The following AFAP1 variants were observed in gnomAD, a reference collection of about 807,000 sequenced individuals.
The protein encoded by AFAP1 is actin filament-associated protein 1.
In AFAP1, 75 loss-of-function variants were observed where a neutral mutation model predicts 93.9. The observed-to-expected ratio is 0.80, with a 90% CI of 0.66 to 0.97. AFAP1 has a LOEUF of 0.97. Among genes scored for constraint, AFAP1 ranks in the 50% least tolerant of loss-of-function variants. The pLI, the probability that AFAP1 is intolerant of heterozygous loss-of-function variation, is 0.00. For synonymous variants in AFAP1, 517 were observed against 430.7 expected, an observed-to-expected ratio of 1.20 and a Z score of -2.48; for missense variants, 1,201 against 1,050.8, an observed-to-expected ratio of 1.14 and a Z score of -1.98.
At chr4:7,771,813 C>G (rs963086374) in intron 16 of AFAP1, among the ~76,000 whole-genome samples, 5 of 152,040 alleles carry the variant, frequency 3.3e-5, no homozygotes, top group African/African-American at 9.7e-5. Flanking sequence ...GGAGGTTGTC[C>G]TCTGGGTTGG....
chr4:7,932,145 C>G (rs1215325597), intron 1 of AFAP1, among the ~76,000 whole-genome samples: 1 of 152,116 alleles, frequency 6.6e-6, no homozygotes, highest in Non-Finnish European at 1.5e-5. Flanking sequence ...GTGTGAGCCA[C>G]CACGCCTGGC....
intron 5 of AFAP1, 106 bp downstream of exon 5, chr4:7,843,033 T>G: frequency 2.3e-6 from 3 of 1,287,942 alleles, no homozygotes; most frequent in East Asian, 2.4e-5. Context: ...GACACCTGAG[T>G]GCTGCCCTTC....
intron 3 of AFAP1, among the ~76,000 whole-genome samples, chr4:7,868,008 G>A (rs887330016): frequency 2.6e-5 from 4 of 151,632 alleles, no homozygotes; most frequent in Admixed American, 2.6e-4. Flanking sequence ...AATTCCTCGA[G>A]TAAACAAGTT....
At chr4:7,853,403 G>A (rs886440428) in intron 4 of AFAP1, among the ~76,000 whole-genome samples, 5 of 152,232 alleles carry the variant, frequency 3.3e-5, no homozygotes, top group Admixed American at 6.5e-5. Context: ...AGTGGCCCCA[G>A]ACTCTGCAGG....
chr4:7,852,312 G>A (rs1227604332), intron 4 of AFAP1, among the ~76,000 whole-genome samples: 1 of 152,140 alleles, frequency 6.6e-6, no homozygotes, highest in Non-Finnish European at 1.5e-5. Flanking sequence ...GACTGCACTG[G>A]TCTAAGGGCA....
intron 3 of AFAP1, among the ~76,000 whole-genome samples, chr4:7,859,894 T>A (rs927594705): frequency 2.6e-5 from 4 of 152,182 alleles, no homozygotes; most frequent in South Asian, 2.1e-4. Flanking sequence ...TTTCCAATAA[T>A]AATAAAAATA....
intron 1 of AFAP1, among the ~76,000 whole-genome samples, chr4:7,892,894 T>TC (rs1460108507): frequency 6.6e-6 from 1 of 151,904 alleles, no homozygotes; most frequent in Non-Finnish European, 1.5e-5. Flanking sequence ...GAAAATACCC[T>TC]CCTTGAGATG....
intron 10 of AFAP1, among the ~76,000 whole-genome samples, chr4:7,794,822 A>T (rs1718237834): frequency 6.6e-6 from 1 of 152,158 alleles, no homozygotes; most frequent in Non-Finnish European, 1.5e-5. Context: ...CACCATGCCC[A>T]GCTTTAAGCC....
At chr4:7,765,247 C>G (rs1162266994) in intron 17 of AFAP1, among the ~76,000 whole-genome samples, 3 of 152,172 alleles carry the variant, frequency 2.0e-5, no homozygotes, top group African/African-American at 4.8e-5. Flanking sequence ...ACAGGCCACA[C>G]TCTGGCTTTT....
intron 1 of AFAP1, among the ~76,000 whole-genome samples, chr4:7,911,321 C>T (rs1719712580): frequency 6.6e-6 from 1 of 152,308 alleles, no homozygotes; most frequent in Non-Finnish European, 1.5e-5. Flanking sequence ...GAAGGGTCCT[C>T]TTGGGCCTTT....
At chr4:7,787,900 C>A (rs537943383) in intron 11 of AFAP1, among the ~76,000 whole-genome samples, 1 of 152,332 alleles carries the variant, frequency 6.6e-6, no homozygotes, top group East Asian at 1.9e-4. Context: ...CCCAGCCACT[C>A]TGCCTGCCGA....
In AFAP1 at chr4:7,763,817, T is replaced by TG. The variant is rs775331186; in HGVS notation, c.2419-27dup. ...CTAGAGGAAAGGAGAGTCTTGTAAG[T>TG]GGACAGGGCAAGAGGATCAGGCTGG... On this transcript the variant is annotated intron_variant, in intron 17 of 17. Coordinates refer to ENST00000420658, the MANE Select transcript of AFAP1 (RefSeq NM_001134647.2). 7.9e-5 allele frequency: 123 copies of TG among 1,551,260 alleles called. No individual in the cohort carries two copies. The African/African-American group carries it at 1.5e-3, about 20-fold the overall frequency.
intron 16 of AFAP1, 73 bp from the exon 17 acceptor site, chr4:7,769,081 T>A (rs1442797794): frequency 6.8e-7 from 1 of 1,477,704 alleles, no homozygotes; most frequent in East Asian, 2.5e-5. Flanking sequence ...GGAAAATGAT[T>A]TATTTCAAGG....
intron 3 of AFAP1, among the ~76,000 whole-genome samples, chr4:7,861,171 G>C (rs1277377940): frequency 3.3e-5 from 5 of 152,188 alleles, no homozygotes; most frequent in Admixed American, 3.3e-4. Context: ...TCTGTTAGGA[G>C]TAACAGCCAA....
At chr4:7,839,045 A>C (rs1490018977) in intron 5 of AFAP1, among the ~76,000 whole-genome samples, 2 of 152,008 alleles carry the variant, frequency 1.3e-5, no homozygotes, top group African/African-American at 4.8e-5. Flanking sequence ...TACATAAATA[A>C]AAACATAGGC....
chr4:7,915,216 G>C (rs986488423), intron 1 of AFAP1, among the ~76,000 whole-genome samples: 3 of 109,980 alleles, frequency 2.7e-5, no homozygotes. Context: ...CCTACGGTGC[G>C]TAAGAGTTCC....
chr4:7,830,855 C>T (rs937925634), intron 6 of AFAP1, among the ~76,000 whole-genome samples: 6 of 152,076 alleles, frequency 3.9e-5, no homozygotes, highest in African/African-American at 1.2e-4. Flanking sequence ...GTGATCCTCC[C>T]GCCTTGCCCT....
At chr4:7,861,374 A>C (rs1198044868) in intron 3 of AFAP1, among the ~76,000 whole-genome samples, 1 of 152,168 alleles carries the variant, frequency 6.6e-6, no homozygotes, top group African/African-American at 2.4e-5. Flanking sequence ...AGGATAATAA[A>C]ATTTTATAGT....
intron 10 of AFAP1, among the ~76,000 whole-genome samples, chr4:7,795,954 T>A (rs1718378049): frequency 6.6e-6 from 1 of 152,124 alleles, no homozygotes; most frequent in Admixed American, 6.5e-5. Context: ...AATACATAGA[T>A]AGGTATAGAC....
Sources: allele counts gnomAD v4.1 joint callset (sites outside exome capture counted in the v4.1 genomes callset), GRCh38; gene constraint gnomAD v4.1.1; transcripts MANE v1.5; gene names NCBI Gene and HGNC (gene_info 2026-07-23, HGNC 2026-07-21).